Variants in HIF1AN observed in about 807,000 individuals in gnomAD.
HIF1AN encodes hypoxia-inducible factor 1-alpha inhibitor.
A neutral mutation model predicts 47.7 loss-of-function variants in HIF1AN; 21 were observed. The ratio of observed to expected loss-of-function variants is 0.44; its 90% confidence interval spans 0.31 to 0.63. HIF1AN has a LOEUF of 0.63. Among genes scored for constraint, HIF1AN ranks in the 30% least tolerant of loss-of-function variants. The pLI is 0.07. For missense variants in HIF1AN, 320 were observed against 432.7 expected, an observed-to-expected ratio of 0.74 and a Z score of 2.31; for synonymous variants, 152 against 155.9, an observed-to-expected ratio of 0.98 and a Z score of 0.18.
intron 4 of HIF1AN, 129 bp downstream of exon 4, chr10:100,545,225 C>T: frequency 1.1e-6 from 1 of 948,080 alleles, no homozygotes; most frequent in Non-Finnish European, 1.6e-6. Context: ...CTTAACACAC[C>T]AAGAGGGTAA....
chr10:100,548,175 A>G lies in HIF1AN; in HGVS notation c.*38A>G, dbSNP rs781222771. 2.2e-4 allele frequency: 345 copies of G among 1,571,068 alleles called. No individual in the cohort carries two copies. Among genetic ancestry groups the G allele is most frequent in the Non-Finnish European group, 2.4e-4 (273 of 1,153,976 alleles). Reference sequence around the variant, plus strand: ...CAAGGCCTCCTGCCAGGTGACTGCTATCCCGTCCACACCGCTTCATTGATG... The same window carrying G: ...CAAGGCCTCCTGCCAGGTGACTGCTGTCCCGTCCACACCGCTTCATTGATG... On this transcript the variant is annotated 3_prime_UTR_variant, in exon 8 of 8. Coordinates refer to ENST00000299163, the MANE Select transcript of HIF1AN (RefSeq NM_017902.3).
chr10:100,549,394 G>A lies in HIF1AN; in HGVS notation c.*1257G>A, dbSNP rs1843132717. On this transcript the variant is annotated 3_prime_UTR_variant, in exon 8 of 8. Coordinates refer to ENST00000299163, the MANE Select transcript of HIF1AN (RefSeq NM_017902.3). ...AGCCCAGGCAGCTCATTCACTACCTGTGATCCACCTCAGGGCACGGGCAAA... is the reference window on the plus strand; with the variant it reads ...AGCCCAGGCAGCTCATTCACTACCTATGATCCACCTCAGGGCACGGGCAAA... The A allele has an allele frequency of 1.3e-5, 2 of 152,224 alleles. No individual in the cohort carries two copies. The highest frequency in any genetic ancestry group is 4.8e-5 in the African/African-American group (2 of 41,418). The allele number at this position is 152,224 out of a possible 1,614,324, so 9.4% of individuals were successfully genotyped here.
chr10:100,544,270 A>C (rs17113197), intron 3 of HIF1AN, among the ~76,000 whole-genome samples: 53 of 152,190 alleles, frequency 3.5e-4, no homozygotes, highest in African/African-American at 1.3e-3. Flanking sequence ...GTGAGCCCCA[A>C]TGTTGCTTTA....
At chr10:100,546,381 A>C in intron 5 of HIF1AN, 137 bp from the exon 6 acceptor site, 2 of 702,478 alleles carry the variant, frequency 2.8e-6, no homozygotes, top group South Asian at 3.2e-5. Context: ...ATGAGTGTAA[A>C]GATATTGTCT....
At position 100,548,357 on chromosome 10, in the gene HIF1AN, C is replaced by T. The variant is rs1484499360; in HGVS notation, c.*220C>T. The T allele has an allele frequency of 6.1e-6, 3 of 488,674 alleles. No individual in the cohort carries two copies. The highest frequency in any genetic ancestry group is 3.6e-5 in the South Asian group (1 of 27,616). The allele number at this position is 488,674 out of a possible 1,614,324, so 30.3% of individuals were successfully genotyped here. ...TACCCTTGCCTCTTGTGCCCCAGCA[C>T]CTTCTCTCTCTGCCCCCCGCCTAAA... is the stretch of plus-strand genomic sequence containing the variant. On this transcript the variant is annotated 3_prime_UTR_variant, in exon 8 of 8. Transcript: ENST00000299163.
In HIF1AN at chr10:100,554,040, T is replaced by A. The variant is rs1298273726; in HGVS notation, c.*5903T>A. 6.6e-6 allele frequency: 1 copy of A among 151,858 alleles called. No individual in the cohort carries two copies. The highest frequency in any genetic ancestry group is 1.5e-5 in the Non-Finnish European group (1 of 67,860). The allele number at this position is 151,858 out of a possible 1,614,324, so 9.4% of individuals were successfully genotyped here. ...GAGAAACACCTTAGATAAACCATAT[T>A]GAGTTGAGGGTAGACAGAAGAGTCT... On this transcript the variant is annotated 3_prime_UTR_variant, in exon 8 of 8. Transcript: ENST00000299163.
rs1210663565 is a variant in HIF1AN, at chr10:100,554,330, C to G, written c.*6193C>G. On this transcript the variant is annotated 3_prime_UTR_variant, in exon 8 of 8. Transcript: ENST00000299163. ...GATTCAATTTTAGTCCATGCCTTTCCATGTATTTAAATTATATAAGTGTTG... is the reference window on the plus strand; with the variant it reads ...GATTCAATTTTAGTCCATGCCTTTCGATGTATTTAAATTATATAAGTGTTG... 6.6e-6 allele frequency: 1 copy of G among 152,080 alleles called. No individual in the cohort carries two copies. Among genetic ancestry groups the G allele is most frequent in the Non-Finnish European group, 1.5e-5 (1 of 68,020 alleles). The allele number at this position is 152,080 out of a possible 1,614,324, so 9.4% of individuals were successfully genotyped here. A position where few individuals can be genotyped will look rare whatever the true frequency, so the allele number is the denominator to read the frequency against.
chr10:100,547,915 CTATGTCCCAGAA>C lies in HIF1AN; in HGVS notation c.1006-175_1006-164del, dbSNP rs1345034133. Reference sequence around the variant, plus strand: ...ACAAGATGGACCCCTGAGGGAAAGACTATGTCCCAGAATACTGGGTTGACCTTCAGGAAGATA... The same window carrying C: ...ACAAGATGGACCCCTGAGGGAAAGACTACTGGGTTGACCTTCAGGAAGATA... On this transcript the variant is annotated intron_variant, in intron 7 of 7. Transcript: ENST00000299163. Among the ~76,000 whole-genome samples, 6 of 152,284 alleles carry C rather than the reference CTATGTCCCAGAA, an allele frequency of 3.9e-5. No individual in the cohort carries two copies. In the South Asian group the frequency reaches 1.2e-3, roughly 32 times the overall value.
chr10:100,548,470 G>C lies in HIF1AN; in HGVS notation c.*333G>C. The C allele has an allele frequency of 3.6e-6, 1 of 280,952 alleles. No individual in the cohort carries two copies. Among genetic ancestry groups the C allele is most frequent in the Non-Finnish European group, 6.8e-6 (1 of 147,780 alleles). The allele number at this position is 280,952 out of a possible 1,614,324, so 17.4% of individuals were successfully genotyped here. A position where few individuals can be genotyped will look rare whatever the true frequency, so the allele number is the denominator to read the frequency against. On this transcript the variant is annotated 3_prime_UTR_variant, in exon 8 of 8. Coordinates refer to ENST00000299163, the MANE Select transcript of HIF1AN (RefSeq NM_017902.3). ...TCTGTCAACTTCGGAATGTGTGCGT[G>C]TGTGTGCATGCACACGCATGTATGT...
intron 3 of HIF1AN, among the ~76,000 whole-genome samples, chr10:100,541,914 C>T (rs1459253353): frequency 6.6e-6 from 1 of 152,050 alleles, no homozygotes. Context: ...TATGGTGTAG[C>T]CTCTGACTAA....
Position 100,559,989 on chromosome 10 carries a change from G to T in HIF1AN, c.*11852G>T, listed in dbSNP as rs1375985751. 3.3e-5 allele frequency: 5 copies of T among 152,082 alleles called. No homozygotes were observed. The highest frequency in any genetic ancestry group is 1.2e-4 in the African/African-American group (5 of 41,390). 9.4% of individuals were successfully genotyped at this position (152,082 alleles called of 1,614,324 possible). On this transcript the variant is annotated 3_prime_UTR_variant, in exon 8 of 8. Coordinates refer to ENST00000299163, the MANE Select transcript of HIF1AN (RefSeq NM_017902.3). ...TGACAACATTAAAGATCAGAAACTT[G>T]ACCTAAAAAGATTTCTCTCTTTGGA...
chr10:100,553,158 G>A lies in HIF1AN; in HGVS notation c.*5021G>A, dbSNP rs1041727752. On this transcript the variant is annotated 3_prime_UTR_variant, in exon 8 of 8. Coordinates refer to ENST00000299163, the MANE Select transcript of HIF1AN (RefSeq NM_017902.3). ...GAATGATGTCAGGCCCGGGAAGCTGGTGTGGAAGAACTGAGCTGTCAGAAG... is the reference window on the plus strand; with the variant it reads ...GAATGATGTCAGGCCCGGGAAGCTGATGTGGAAGAACTGAGCTGTCAGAAG... 3.9e-5 allele frequency: 6 copies of A among 152,424 alleles called. No individual in the cohort carries two copies. Among genetic ancestry groups the A allele is most frequent in the African/African-American group, 1.4e-4 (6 of 41,404 alleles). 9.4% of individuals were successfully genotyped at this position (152,424 alleles called of 1,614,324 possible).
intron 4 of HIF1AN, 153 bp downstream of exon 4, chr10:100,545,249 C>A: frequency 2.7e-6 from 2 of 753,520 alleles, no homozygotes; most frequent in Non-Finnish European, 4.1e-6. Context: ...CATTGTAGCT[C>A]ACATATTCCA....
chr10:100,542,197 C>T (rs774750415), intron 3 of HIF1AN, among the ~76,000 whole-genome samples: 9 of 151,704 alleles, frequency 5.9e-5, no homozygotes, highest in Non-Finnish European at 1.2e-4. Context: ...TATGGGAGCA[C>T]TATCGTAGAT....
At position 100,552,985 on chromosome 10, in the gene HIF1AN, C is replaced by T. The variant is rs567702839; in HGVS notation, c.*4848C>T. 9.4e-4 allele frequency: 143 copies of T among 152,158 alleles called. No homozygotes were observed. Among genetic ancestry groups the T allele is most frequent in the Admixed American group, 2.1e-3 (32 of 15,280 alleles). The allele number at this position is 152,158 out of a possible 1,614,324, so 9.4% of individuals were successfully genotyped here. On this transcript the variant is annotated 3_prime_UTR_variant, in exon 8 of 8. Coordinates refer to ENST00000299163, the MANE Select transcript of HIF1AN (RefSeq NM_017902.3). ...GGAGCCTTGCTGAGCACTTTGAGGGCATTTCTGTTGGGCACAACCTCAGAA... is the reference window on the plus strand; with the variant it reads ...GGAGCCTTGCTGAGCACTTTGAGGGTATTTCTGTTGGGCACAACCTCAGAA...
Position 100,546,693 on chromosome 10 carries a change from C to T in HIF1AN, c.894+112C>T, listed in dbSNP as rs554222051. ...GTTGACTATCCCTGGAAGTGATTGT[C>T]AGGTGTCTGGGGAGATGAAAGGGAC... On this transcript the variant is annotated intron_variant, in intron 6 of 7. Transcript: ENST00000299163. 41 of 812,322 alleles carry T rather than the reference C, an allele frequency of 5.0e-5. No individual in the cohort carries two copies. The South Asian group carries it at 5.5e-4, about 11-fold the overall frequency. The allele number at this position is 812,322 out of a possible 1,614,324, so 50.3% of individuals were successfully genotyped here. A position where few individuals can be genotyped will look rare whatever the true frequency, so the allele number is the denominator to read the frequency against.
intron 2 of HIF1AN, 47 bp downstream of exon 2, chr10:100,536,708 T>C: frequency 6.2e-7 from 1 of 1,605,462 alleles, no homozygotes; most frequent in Non-Finnish European, 8.5e-7. Flanking sequence ...GACACTCATT[T>C]TTCTTTCCTA....
rs1843103672 is a variant in HIF1AN, at chr10:100,547,309, G to C, written c.1005+59G>C. On this transcript the variant is annotated intron_variant, in intron 7 of 7. Coordinates refer to ENST00000299163, the MANE Select transcript of HIF1AN (RefSeq NM_017902.3). ...GGTTGACCAAGGAAAGTCAGGATCA[G>C]AGCGACATTCTTTACAGCTTCTGTG... is the stretch of plus-strand genomic sequence containing the variant. 1.9e-5 allele frequency: 19 copies of C among 997,800 alleles called. No homozygotes were observed. In the East Asian group the frequency reaches 4.5e-4, roughly 23 times the overall value. 61.8% of individuals were successfully genotyped at this position (997,800 alleles called of 1,614,324 possible). A position where few individuals can be genotyped will look rare whatever the true frequency, so the allele number is the denominator to read the frequency against.
rs979811368 is a variant in HIF1AN, at chr10:100,556,061, TTC to T, written c.*7926_*7927del. On this transcript the variant is annotated 3_prime_UTR_variant, in exon 8 of 8. Coordinates refer to ENST00000299163, the MANE Select transcript of HIF1AN (RefSeq NM_017902.3). ...CCGGTCCATAGCAAGGGCTCAGTCT[TTC>T]TGTGTCTCTCAGTCTTTACCTCTCT... 1 of 152,216 alleles carries T rather than the reference TTC, an allele frequency of 6.6e-6. No individual in the cohort carries two copies. The highest frequency in any genetic ancestry group is 1.5e-5 in the Non-Finnish European group (1 of 68,032). The allele number at this position is 152,216 out of a possible 1,614,324, so 9.4% of individuals were successfully genotyped here.
Sources: allele counts gnomAD v4.1 joint callset (sites outside exome capture counted in the v4.1 genomes callset), GRCh38; gene constraint gnomAD v4.1.1; transcripts MANE v1.5; gene names NCBI Gene and HGNC (gene_info 2026-07-23, HGNC 2026-07-21).